Variants in CDH13 observed in about 807,000 individuals in gnomAD.
The protein encoded by CDH13 is cadherin 13.
A neutral mutation model predicts 63.8 loss-of-function variants in CDH13; 24 were observed. That is an observed-to-expected ratio of 0.38 (90% CI 0.27 to 0.53). The LOEUF (loss-of-function observed/expected upper bound fraction) is 0.53. Ranked by LOEUF, CDH13 falls within the 20% of genes least tolerant of loss-of-function variation. CDH13 has a pLI of 0.85. For missense variants in CDH13, 1,049 were observed against 903.1 expected, an observed-to-expected ratio of 1.16 and a Z score of -2.07; for synonymous variants, 503 against 355.3, an observed-to-expected ratio of 1.42 and a Z score of -4.67.
intron 7 of CDH13, among the ~76,000 whole-genome samples, chr16:83,557,182 T>C (rs1375753285): frequency 1.3e-5 from 2 of 152,186 alleles, no homozygotes; most frequent in African/African-American, 2.4e-5. Flanking sequence ...TGTACGCTAG[T>C]TATGAGAATC....
At chr16:82,718,870 C>T (rs1017753266) in intron 1 of CDH13, among the ~76,000 whole-genome samples, 11 of 152,104 alleles carry the variant, frequency 7.2e-5, no homozygotes, top group Admixed American at 4.6e-4. Context: ...TGGATGGGGA[C>T]ACAGCTAAAT....
At chr16:83,575,155 G>T (rs6563936) in intron 7 of CDH13, among the ~76,000 whole-genome samples, 98,065 of 152,028 alleles carry the variant, frequency 0.65, 31,753 homozygotes, top group East Asian at 0.77. Flanking sequence ...GGAAAATGAA[G>T]GCAGATGGTG....
intron 1 of CDH13, among the ~76,000 whole-genome samples, chr16:82,715,914 C>T (rs1293475362): frequency 1.3e-5 from 2 of 152,226 alleles, no homozygotes; most frequent in Non-Finnish European, 2.9e-5. Context: ...TTAGCCACAT[C>T]ACAGTGTTAC....
At chr16:83,086,897 C>A (rs1039727504) in intron 3 of CDH13, among the ~76,000 whole-genome samples, 1 of 152,020 alleles carries the variant, frequency 6.6e-6, no homozygotes, top group South Asian at 2.1e-4. Flanking sequence ...GCAGAAAGAA[C>A]GAGAGCAAAA....
chr16:83,263,321 C>G (rs1907205574), intron 5 of CDH13, among the ~76,000 whole-genome samples: 1 of 152,162 alleles, frequency 6.6e-6, no homozygotes, highest in African/African-American at 2.4e-5. Flanking sequence ...GGAACATTTC[C>G]AGGATCAGTG....
chr16:83,464,871 G>A (rs2073269672), intron 6 of CDH13, among the ~76,000 whole-genome samples: 1 of 152,198 alleles, frequency 6.6e-6, no homozygotes. Flanking sequence ...TTGAACGCCT[G>A]ACCTCAAGTG....
chr16:83,593,163 T>C (rs1906921953), intron 7 of CDH13, among the ~76,000 whole-genome samples: 1 of 152,220 alleles, frequency 6.6e-6, no homozygotes, highest in African/African-American at 2.4e-5. Flanking sequence ...AGGCTTCATA[T>C]TGCAAGGACG....
intron 2 of CDH13, among the ~76,000 whole-genome samples, chr16:83,008,755 T>A (rs553611153): frequency 1.5e-3 from 225 of 152,286 alleles, no homozygotes; most frequent in African/African-American, 4.8e-3. Context: ...TCTTTCTCCC[T>A]CCTTCCTTTC....
intron 5 of CDH13, among the ~76,000 whole-genome samples, chr16:83,302,922 C>G (rs1408921612): frequency 6.6e-6 from 1 of 152,158 alleles, no homozygotes; most frequent in Non-Finnish European, 1.5e-5. Context: ...GGGCAGACTT[C>G]CAGGTGCAGT....
intron 4 of CDH13, among the ~76,000 whole-genome samples, chr16:83,161,697 G>A (rs1420116721): frequency 6.6e-6 from 1 of 151,990 alleles, no homozygotes; most frequent in Non-Finnish European, 1.5e-5. Flanking sequence ...ACCCACCATG[G>A]TTCTCTTTCT....
intron 11 of CDH13, among the ~76,000 whole-genome samples, chr16:83,769,677 G>A (rs767006220): frequency 1.8e-4 from 27 of 152,306 alleles, no homozygotes; most frequent in Middle Eastern, 3.4e-3. Context: ...CCAAGTGGGC[G>A]TGTTTTCACC....
intron 5 of CDH13, among the ~76,000 whole-genome samples, chr16:83,309,878 G>A (rs117031642): frequency 1.3e-5 from 2 of 151,582 alleles, no homozygotes; most frequent in East Asian, 3.9e-4. Flanking sequence ...TGCTTTATTT[G>A]TGAGGTAGTG....
At chr16:83,131,370 C>G (rs113220420) in intron 4 of CDH13, among the ~76,000 whole-genome samples, 88 of 152,242 alleles carry the variant, frequency 5.8e-4, no homozygotes, top group African/African-American at 2.0e-3. Flanking sequence ...CTTGCTCATA[C>G]CTGTGATTTT....
chr16:83,058,823 C>G (rs2031221804), intron 3 of CDH13, among the ~76,000 whole-genome samples: 2 of 152,234 alleles, frequency 1.3e-5, no homozygotes, highest in South Asian at 4.1e-4. Flanking sequence ...GCTGACCTCA[C>G]AGAAACTATC....
intron 6 of CDH13, among the ~76,000 whole-genome samples, chr16:83,387,012 T>C (rs1283196251): frequency 6.6e-6 from 1 of 152,178 alleles, no homozygotes; most frequent in Non-Finnish European, 1.5e-5. Flanking sequence ...GCCAGAATTG[T>C]GTTATATGCC....
intron 10 of CDH13, among the ~76,000 whole-genome samples, chr16:83,704,618 C>T (rs1456615151): frequency 6.6e-6 from 1 of 152,184 alleles, no homozygotes; most frequent in Non-Finnish European, 1.5e-5. Flanking sequence ...CCCATCAGTG[C>T]AATTCTAAGA....
intron 3 of CDH13, among the ~76,000 whole-genome samples, chr16:83,050,977 C>G (rs940681995): frequency 3.3e-5 from 5 of 152,210 alleles, no homozygotes; most frequent in African/African-American, 1.2e-4. Context: ...TACCTGCAAA[C>G]TCTTCATTAC....
chr16:83,313,507 C>T (rs1417264580), intron 5 of CDH13, among the ~76,000 whole-genome samples: 3 of 152,110 alleles, frequency 2.0e-5, no homozygotes, highest in Admixed American at 2.0e-4. Flanking sequence ...ATATAAGATT[C>T]AGCCAAATAG....
intron 3 of CDH13, among the ~76,000 whole-genome samples, chr16:83,103,757 AG>A (rs912404232): frequency 6.6e-6 from 1 of 152,176 alleles, no homozygotes. Context: ...TGTGTATCAA[AG>A]GGGGAAAATG....
Sources: allele counts gnomAD v4.1 joint callset (sites outside exome capture counted in the v4.1 genomes callset), GRCh38; gene constraint gnomAD v4.1.1; transcripts MANE v1.5; gene names NCBI Gene and HGNC (gene_info 2026-07-23, HGNC 2026-07-21).